CA10: variants seen among roughly 807,000 people sequenced by gnomAD.
The protein encoded by CA10 is carbonic anhydrase 10 (inactive).
A neutral mutation model predicts 44.2 loss-of-function variants in CA10; 14 were observed. The observed-to-expected ratio is 0.32, with a 90% confidence interval of 0.21 to 0.50. The LOEUF is 0.50. Ranked by LOEUF, CA10 falls within the 20% of genes least tolerant of loss-of-function variation. CA10 has a pLI of 0.99. For synonymous variants in CA10, 159 were observed against 141.6 expected (o/e 1.12, Z -0.87); for missense variants, 350 against 409.7 (o/e 0.85, Z 1.26).
At chr17:51,687,941 G>A (rs375895528) in intron 4 of CA10, among the ~76,000 whole-genome samples, 15 of 152,216 alleles carry the variant, frequency 9.9e-5, no homozygotes, top group African/African-American at 1.4e-4. Context: ...CTCATGTTGC[G>A]TAGAGTTGAA....
Position 52,030,163 on chromosome 17 carries a change from C to G in CA10, c.136+42156G>C, listed in dbSNP as rs149989627. Among the ~76,000 whole-genome samples the G allele has an allele frequency of 4.1e-3, 618 of 152,258 alleles. 2 individuals carry two copies. Among genetic ancestry groups the G allele is most frequent in the African/African-American group, 0.014 (583 of 41,560 alleles). On this transcript the variant is annotated intron_variant, in intron 2 of 8. Transcript: ENST00000451037. ...CCCCTGATGATCACAGGGACTGGCT[C>G]CTGGTAATAATTTTGATGTCATTAT... is the stretch of plus-strand genomic sequence containing the variant.
chr17:52,133,066 C>T (rs949297005), intron 1 of CA10, among the ~76,000 whole-genome samples: 2 of 152,162 alleles, frequency 1.3e-5, no homozygotes, highest in Admixed American at 6.6e-5. Flanking sequence ...TGGGCTGGAC[C>T]TAATCCATGT....
chr17:51,654,860 G>A lies in CA10; in HGVS notation c.466-1124C>T, dbSNP rs1242827005. Among the ~76,000 whole-genome samples, 3 of 152,134 alleles carry A rather than the reference G, an allele frequency of 2.0e-5. No individual in the cohort carries two copies. The East Asian group carries it at 5.8e-4, about 29-fold the overall frequency. ...TGTGAGCCACTGCGCCCGGCCAGAA[G>A]CATAATTTTTTAACAAATTAAAATA... On this transcript the variant is annotated intron_variant, in intron 4 of 8. Coordinates refer to ENST00000451037, the MANE Select transcript of CA10 (RefSeq NM_020178.5).
chr17:51,924,691 G>A (rs1458847398), intron 3 of CA10, among the ~76,000 whole-genome samples: 1 of 152,148 alleles, frequency 6.6e-6, no homozygotes, highest in African/African-American at 2.4e-5. Flanking sequence ...CCCTGAGCTG[G>A]TTGCTTCCCT....
chr17:52,084,332 A>G (rs534771134), intron 1 of CA10, among the ~76,000 whole-genome samples: 1 of 152,256 alleles, frequency 6.6e-6, no homozygotes, highest in South Asian at 2.1e-4. Flanking sequence ...ATAGCTCAAC[A>G]TAGTTTTGTC....
intron 1 of CA10, among the ~76,000 whole-genome samples, chr17:52,093,212 A>G (rs1327158715): frequency 1.3e-5 from 2 of 152,180 alleles, no homozygotes; most frequent in Non-Finnish European, 2.9e-5. Context: ...CAACATAGAG[A>G]TGGGCACATA....
At chr17:51,829,542 A>G (rs1908152467) in intron 3 of CA10, among the ~76,000 whole-genome samples, 1 of 152,190 alleles carries the variant, frequency 6.6e-6, no homozygotes, top group South Asian at 2.1e-4. Flanking sequence ...GACGTATGCA[A>G]TTGACAATCA....
At chr17:51,706,082 G>A (rs1267889241) in intron 4 of CA10, among the ~76,000 whole-genome samples, 3 of 152,226 alleles carry the variant, frequency 2.0e-5, no homozygotes, top group Non-Finnish European at 1.5e-5. Context: ...TAGCTGCGCA[G>A]TGCTGGGCAA....
chr17:51,791,069 T>G lies in CA10; in HGVS notation c.280-43251A>C, dbSNP rs142236734. Among the ~76,000 whole-genome samples the G allele has an allele frequency of 5.9e-5, 9 of 152,314 alleles. No homozygotes were observed. In the East Asian group the frequency reaches 1.7e-3, roughly 29 times the overall value. Reference sequence around the variant, plus strand: ...AGCCTTAGTTTCTGCATTTGTAAAATGAGAACGAAGATACATACCTCAAAG... The same window carrying G: ...AGCCTTAGTTTCTGCATTTGTAAAAGGAGAACGAAGATACATACCTCAAAG... On this transcript the variant is annotated intron_variant, in intron 3 of 8. Coordinates refer to ENST00000451037, the MANE Select transcript of CA10 (RefSeq NM_020178.5).
At chr17:51,924,171 A>G (rs977576231) in intron 3 of CA10, among the ~76,000 whole-genome samples, 2 of 152,196 alleles carry the variant, frequency 1.3e-5, no homozygotes, top group African/African-American at 4.8e-5. Context: ...TATTGGAGCC[A>G]CAGAGGTTAA....
intron 4 of CA10, among the ~76,000 whole-genome samples, chr17:51,741,982 T>G (rs1044012964): frequency 4.6e-5 from 7 of 152,238 alleles, no homozygotes; most frequent in Admixed American, 3.9e-4. Flanking sequence ...GGTCAGTTTC[T>G]CTCTTTTTAA....
chr17:52,074,235 A>G (rs1337244827), intron 1 of CA10, among the ~76,000 whole-genome samples: 1 of 152,078 alleles, frequency 6.6e-6, no homozygotes, highest in East Asian at 1.9e-4. Flanking sequence ...CAACCTACTA[A>G]AAAACAACAA....
intron 4 of CA10, among the ~76,000 whole-genome samples, chr17:51,729,259 C>T (rs1209670230): frequency 6.6e-6 from 1 of 152,192 alleles, no homozygotes; most frequent in East Asian, 1.9e-4. Flanking sequence ...AGAAACTGTT[C>T]TCCTTTTTAC....
chr17:51,988,425 TA>T (rs1984922208), intron 2 of CA10, among the ~76,000 whole-genome samples: 1 of 151,974 alleles, frequency 6.6e-6, no homozygotes, highest in Non-Finnish European at 1.5e-5. Context: ...AAAAGGAGGT[TA>T]AAAAGTACAT....
chr17:51,938,495 T>C (rs949339987), intron 2 of CA10, among the ~76,000 whole-genome samples: 3 of 152,120 alleles, frequency 2.0e-5, no homozygotes, highest in African/African-American at 7.2e-5. Flanking sequence ...GCCATGTGCA[T>C]TTATTTCTTG....
chr17:51,777,740 G>A (rs1328367376), intron 3 of CA10, among the ~76,000 whole-genome samples: 2 of 152,148 alleles, frequency 1.3e-5, no homozygotes, highest in African/African-American at 4.8e-5. Context: ...AGACCAGCTT[G>A]GGCAACATGG....
intron 3 of CA10, among the ~76,000 whole-genome samples, chr17:51,760,238 T>C (rs1905181969): frequency 6.6e-6 from 1 of 152,240 alleles, no homozygotes; most frequent in African/African-American, 2.4e-5. Flanking sequence ...AAAGTAGAAA[T>C]AGCAAATGTT....
At chr17:52,015,209 T>C (rs1001662091) in intron 2 of CA10, among the ~76,000 whole-genome samples, 5 of 152,008 alleles carry the variant, frequency 3.3e-5, no homozygotes, top group Admixed American at 3.3e-4. Context: ...ACACTTTTTC[T>C]AAGAACAAAA....
chr17:51,995,590 G>T (rs1985206117), intron 2 of CA10, among the ~76,000 whole-genome samples: 1 of 151,966 alleles, frequency 6.6e-6, no homozygotes, highest in Non-Finnish European at 1.5e-5. Context: ...CTAAATAAGG[G>T]GAATTGGGTC....
Sources: gnomAD v4.1 joint callset for allele counts (sites outside exome capture counted in the v4.1 genomes callset) on GRCh38, gnomAD v4.1.1 for gene constraint, MANE v1.5 for transcripts, NCBI Gene and HGNC (gene_info 2026-07-23, HGNC 2026-07-21) for gene names.